MYH13: variants seen among roughly 807,000 people sequenced by gnomAD.
MYH13 encodes myosin heavy chain 13.
A neutral mutation model predicts 232.1 loss-of-function variants in MYH13; 177 were observed. The ratio of observed to expected loss-of-function variants is 0.76; its 90% CI spans 0.67 to 0.86. The LOEUF is 0.86. Among genes scored for constraint, MYH13 ranks in the 40% least tolerant of loss-of-function variants. The pLI is 0.00. For synonymous variants in MYH13, 884 were observed against 923.5 expected, an observed-to-expected ratio of 0.96 and a Z score of 0.78; for missense variants, 2,246 against 2,405.9, an observed-to-expected ratio of 0.93 and a Z score of 1.39.
chr17:10,315,323 C>T (rs1180343707), intron 29 of MYH13, among the ~76,000 whole-genome samples: 2 of 152,194 alleles, frequency 1.3e-5, no homozygotes, highest in East Asian at 1.9e-4. Context: ...AATGGAGTCT[C>T]GCTCTGTCTT....
chr17:10,325,914 A>T (rs1263342302), intron 22 of MYH13, among the ~76,000 whole-genome samples: 1 of 152,276 alleles, frequency 6.6e-6, no homozygotes, highest in Admixed American at 6.5e-5. Context: ...TGATCTCATG[A>T]TCCGCCCGCC....
intron 8 of MYH13, among the ~76,000 whole-genome samples, chr17:10,356,014 C>T (rs2071747039): frequency 6.6e-6 from 1 of 152,008 alleles, no homozygotes; most frequent in African/African-American, 2.4e-5. Context: ...GTCTAGGTGG[C>T]CCACTTTCTG....
intron 29 of MYH13, among the ~76,000 whole-genome samples, chr17:10,314,163 T>C (rs938772449): frequency 6.6e-6 from 1 of 152,216 alleles, no homozygotes; most frequent in African/African-American, 2.4e-5. Flanking sequence ...CTCATGCCTG[T>C]AATCCTAGCA....
chr17:10,364,602 C>G, intron 2 of MYH13, 60 bp from the exon 3 acceptor site: 1 of 1,415,270 alleles, frequency 7.1e-7, no homozygotes, highest in East Asian at 2.5e-5. Context: ...AGCTGCAGGG[C>G]CCCTACCCTT....
intron 10 of MYH13, 26 bp downstream of exon 10, chr17:10,354,869 A>G: frequency 3.1e-6 from 5 of 1,590,436 alleles, no homozygotes; most frequent in Non-Finnish European, 4.3e-6. Flanking sequence ...GATTTGGAAC[A>G]TAAGAAAGGT....
intron 23 of MYH13, among the ~76,000 whole-genome samples, chr17:10,322,412 A>C (rs952784055): frequency 3.9e-5 from 6 of 152,058 alleles, no homozygotes; most frequent in Admixed American, 6.5e-5. Context: ...TAAAGACAGA[A>C]AGAAAGAAAG....
chr17:10,302,685 T>G (rs79044262), intron 39 of MYH13, among the ~76,000 whole-genome samples: 2,169 of 152,218 alleles, frequency 0.014, 37 homozygotes, highest in African/African-American at 0.048. Context: ...TTCTTTCCTA[T>G]TGATTTCACC....
intron 18 of MYH13, among the ~76,000 whole-genome samples, chr17:10,334,912 A>T (rs1198743060): frequency 1.3e-5 from 2 of 152,150 alleles, no homozygotes; most frequent in African/African-American, 2.4e-5. Flanking sequence ...TACAATAATT[A>T]AAAAATTCAT....
chr17:10,356,964 T>A (rs565451711), intron 8 of MYH13, among the ~76,000 whole-genome samples: 2 of 152,240 alleles, frequency 1.3e-5, no homozygotes, highest in Admixed American at 1.3e-4. Flanking sequence ...ATTCCAATAT[T>A]TTTTTCTTTT....
rs1597379766 is a variant in MYH13, at chr17:10,327,961, C to T, written c.2596G>A (p.Glu866Lys). The T allele has an allele frequency of 1.2e-6, 2 of 1,614,152 alleles. No homozygotes were observed. The highest frequency in any genetic ancestry group is 1.7e-6 in the Non-Finnish European group (2 of 1,180,018). ...MKEDFERTKE[E>K]LARSEARRKE... ...CGGCGAGCCTCAGATCGGGCCAGTTCTTCCTTGGTCCTCTCAAAGTCTTCC... is the reference window on the plus strand; with the variant it reads ...CGGCGAGCCTCAGATCGGGCCAGTTTTTCCTTGGTCCTCTCAAAGTCTTCC... Residue 866 changes from glutamate (E) to lysine (K), a missense_variant, in exon 22 of 41, where the codon GAA (glutamate) becomes AAA (lysine). Physicochemically the swap from Glu to Lys is moderately conservative, Grantham distance 56. Transcript: ENST00000252172.
At position 10,333,086 on chromosome 17, in the gene MYH13, T is replaced by G. The variant is rs1318133056; in HGVS notation, c.2162A>C (p.Asp721Ala). The G allele has an allele frequency of 9.7e-6, 15 of 1,550,172 alleles. No individual in the cohort carries two copies. Among genetic ancestry groups the G allele is most frequent in the Non-Finnish European group, 1.3e-5 (15 of 1,145,662 alleles). Residue 721 changes from aspartate (D) to alanine (A), a missense_variant, in exon 19 of 41, where the codon GAC becomes GCC. Physicochemically the swap from Asp to Ala is moderately radical, Grantham distance 126. Coordinates refer to ENST00000252172, the MANE Select transcript of MYH13 (RefSeq NM_003802.3). ...KGFPSRILYADFKQRYRILNA... is the reference protein window; with the variant it reads ...KGFPSRILYAAFKQRYRILNA... The stretch of plus-strand genomic sequence containing the variant: ...AGAGGGAACCTACCGCTGCTTGAAG[T>G]CAGCATAGAGGATCCGGCTGGGGAA...
At chr17:10,324,388 G>T in intron 22 of MYH13, 124 bp from the exon 23 acceptor site, 1 of 1,135,126 alleles carries the variant, frequency 8.8e-7, no homozygotes, top group Admixed American at 2.2e-5. Context: ...GCACACACAT[G>T]CACGCACATG....
chr17:10,320,608 C>T (rs1906906572), intron 24 of MYH13, 112 bp from the exon 25 acceptor site: 4 of 1,208,798 alleles, frequency 3.3e-6, no homozygotes, highest in Middle Eastern at 5.6e-4. Flanking sequence ...CTGTAGGGTG[C>T]TGGCTGCAAG....
rs181340696 is a variant in MYH13, at chr17:10,322,983, T to C, written c.2934+1039A>G. On this transcript the variant is annotated intron_variant, in intron 23 of 40. Coordinates refer to ENST00000252172, the MANE Select transcript of MYH13 (RefSeq NM_003802.3). The stretch of plus-strand genomic sequence containing the variant: ...CCACCGTTTAGCAGTAGGTATTTAA[T>C]ATTTGGTGTGCACACGCCATTGCTC... 5.6e-4 allele frequency among the ~76,000 whole-genome samples: 86 copies of C among 152,256 alleles called. 1 individual carries two copies. Among genetic ancestry groups the C allele is most frequent in the Non-Finnish European group, 8.8e-5 (6 of 68,026 alleles).
chr17:10,321,033 G>A (rs994695648), intron 24 of MYH13, among the ~76,000 whole-genome samples: 1 of 152,166 alleles, frequency 6.6e-6, no homozygotes, highest in East Asian at 1.9e-4. Context: ...AAAATCTCTA[G>A]CCACAATAGT....
In MYH13 at chr17:10,311,217, G is replaced by T. The variant is rs781046118; in HGVS notation, c.4542C>A (p.Ser1514=). ...TTTCTGCAATCTGCTCAGTTAAGTCGGAAATCTCTTCTGCAAAGGACAGGC... is the reference window on the plus strand; with the variant it reads ...TTTCTGCAATCTGCTCAGTTAAGTCTGAAATCTCTTCTGCAAAGGACAGGC... The part of the protein sequence containing the change: ...RENKNLQEEI[S]DLTEQIAETG... Residue 1514 remains serine, a synonymous_variant, in exon 33 of 41, where the codon TCC becomes TCA. Transcript: ENST00000252172. The T allele has an allele frequency of 6.2e-7, 1 of 1,613,850 alleles. No individual in the cohort carries two copies. Among genetic ancestry groups the T allele is most frequent in the African/African-American group, 1.3e-5 (1 of 74,932 alleles).
intron 8 of MYH13, among the ~76,000 whole-genome samples, chr17:10,356,219 GA>G (rs1286598974): frequency 6.6e-6 from 1 of 152,186 alleles, no homozygotes; most frequent in Non-Finnish European, 1.5e-5. Context: ...TGAACCCCAG[GA>G]AAAGTTAGTG....
chr17:10,351,234 A>AAAAAAAAAAAAAAAG (rs796765349), intron 11 of MYH13, among the ~76,000 whole-genome samples: 5 of 150,410 alleles, frequency 3.3e-5, no homozygotes, highest in Admixed American at 6.7e-5. Flanking sequence ...AAAAAAAAAA[A>AAAAAAAAAAAAAAAG]AGAGAACTGA....
In MYH13 at chr17:10,307,077, T is replaced by C; in HGVS notation, c.5170-13A>G. 1 of 1,613,304 alleles carries C rather than the reference T, an allele frequency of 6.2e-7. No individual in the cohort carries two copies. The highest frequency in any genetic ancestry group is 1.1e-5 in the South Asian group (1 of 90,972). On this transcript the variant is annotated splice_polypyrimidine_tract_variant and intron_variant, in intron 35 of 40. Transcript: ENST00000252172. ...TCAGGCTTGTGTTCTACAAGAAGAA[T>C]TAGATATCAGGGGTGTGGGTTCTAT...
Sources: allele counts gnomAD v4.1 joint callset (sites outside exome capture counted in the v4.1 genomes callset), GRCh38; gene constraint gnomAD v4.1.1; transcripts MANE v1.5; gene names NCBI Gene and HGNC (gene_info 2026-07-23, HGNC 2026-07-21).